MCOLN3: variants seen among roughly 807,000 people sequenced by gnomAD.
The protein encoded by MCOLN3 is mucolipin-3.
Under a neutral mutation model 69.4 loss-of-function variants are expected in MCOLN3, and 62 were observed. That is an observed-to-expected ratio of 0.89 (90% CI 0.73 to 1.10). MCOLN3 has a LOEUF of 1.10. MCOLN3 is among the 50% of genes least tolerant of loss of function. The pLI is 0.00. For synonymous variants in MCOLN3, 183 were observed against 217.0 expected, an observed-to-expected ratio of 0.84 and a Z score of 1.38; for missense variants, 564 against 656.4, an observed-to-expected ratio of 0.86 and a Z score of 1.54.
rs143078993 is a variant in MCOLN3, at chr1:85,045,243, G to T, written c.118C>A (p.Arg40=). The T allele has an allele frequency of 6.6e-4, 1,059 of 1,613,956 alleles. 9 individuals carry two copies. The African/African-American group carries it at 0.012, about 19-fold the overall frequency. The change falls in exon 2 of 13, where the codon CGA becomes AGA. Residue 40 remains arginine (R), a synonymous_variant. Coordinates refer to ENST00000370589, the MANE Select transcript of MCOLN3 (RefSeq NM_018298.11). Reference sequence around the variant, plus strand: ...TTCATGAAAAAAAATTTGAGTTTTCGCCTCATCTGGTCTTCTAATAGAAGC... The same window carrying T: ...TTCATGAAAAAAAATTTGAGTTTTCTCCTCATCTGGTCTTCTAATAGAAGC... The part of the protein sequence containing the change: ...EELLLEDQMR[R]KLKFFFMNPC...
At chr1:85,032,844 A>G (rs1652608088) in intron 5 of MCOLN3, 28 bp downstream of exon 5, 2 of 1,613,730 alleles carry the variant, frequency 1.2e-6, no homozygotes, top group South Asian at 2.2e-5. Flanking sequence ...GTGCAAACGT[A>G]AGTTACACTC....
At chr1:85,024,555 T>C (rs1652117859) in intron 9 of MCOLN3, 1 of 152,146 alleles carries the variant, frequency 6.6e-6, no homozygotes, top group Non-Finnish European at 1.5e-5. Flanking sequence ...TTTTTTCTAT[T>C]ATTTTTGTGA....
chr1:85,047,445 G>A (rs889897775), intron 1 of MCOLN3: 5 of 152,304 alleles, frequency 3.3e-5, no homozygotes, highest in African/African-American at 9.6e-5. Flanking sequence ...CCGGAGCGCC[G>A]GCGCGGGAGG....
At position 85,041,778 on chromosome 1, in the gene MCOLN3, G is replaced by C. The variant is rs139876854; in HGVS notation, c.229-601C>G. 1.8e-4 allele frequency among the ~76,000 whole-genome samples: 27 copies of C among 146,608 alleles called. 1 individual carries two copies. The highest frequency in any genetic ancestry group is 1.2e-3 in the Admixed American group (17 of 14,090). On this transcript the variant is annotated intron_variant, in intron 2 of 12. Transcript: ENST00000370589. ...CCAGCTACTCAGGAGGCTGAGGCAG[G>C]AGAATTGCTTGAACCCGGGAGGCAG...
At chr1:85,041,417 T>C (rs1265991912) in intron 2 of MCOLN3, among the ~76,000 whole-genome samples, 1 of 152,212 alleles carries the variant, frequency 6.6e-6, no homozygotes, top group Non-Finnish European at 1.5e-5. Flanking sequence ...AAATACCCTT[T>C]CAACTCATGT....
At chr1:85,020,602 C>T (rs1651876434) in intron 12 of MCOLN3, among the ~76,000 whole-genome samples, 1 of 152,216 alleles carries the variant, frequency 6.6e-6, no homozygotes, top group Non-Finnish European at 1.5e-5. Flanking sequence ...GGAGGCTGGG[C>T]CCCTGGGCTT....
chr1:85,022,619 T>A, intron 9 of MCOLN3: 1 of 401,418 alleles, frequency 2.5e-6, no homozygotes, highest in Non-Finnish European at 4.5e-6. Context: ...CTGCTGATAA[T>A]TGCTGAAGAG....
chr1:85,030,467 G>T (rs1240728226), intron 6 of MCOLN3, among the ~76,000 whole-genome samples: 2 of 152,064 alleles, frequency 1.3e-5, no homozygotes, highest in Non-Finnish European at 2.9e-5. Context: ...AAAACAAACA[G>T]ATCATTACTG....
intron 3 of MCOLN3, among the ~76,000 whole-genome samples, chr1:85,035,931 A>G (rs1652779401): frequency 6.6e-6 from 1 of 152,246 alleles, no homozygotes; most frequent in South Asian, 2.1e-4. Context: ...AGATAGACAC[A>G]GGCTGCATGC....
intron 2 of MCOLN3, 72 bp from the exon 3 acceptor site, chr1:85,041,249 G>GTACAGA: frequency 1.6e-6 from 2 of 1,244,134 alleles, no homozygotes. Flanking sequence ...AAGGTACAGG[G>GTACAGA]GCTTGAACAA....
intron 3 of MCOLN3, among the ~76,000 whole-genome samples, chr1:85,040,004 G>A (rs898628150): frequency 7.3e-5 from 11 of 151,224 alleles, no homozygotes; most frequent in Non-Finnish European, 1.0e-4. Flanking sequence ...CCCACTCCCC[G>A]CCACCCCTCG....
intron 9 of MCOLN3, 65 bp from the exon 10 acceptor site, chr1:85,022,465 A>G: frequency 8.5e-7 from 1 of 1,181,718 alleles, no homozygotes; most frequent in Non-Finnish European, 1.2e-6. Context: ...ATAAATATTG[A>G]GGTAAGTATG....
At chr1:85,047,696 G>A (rs548926213) in intron 1 of MCOLN3, 18 of 152,366 alleles carry the variant, frequency 1.2e-4, no homozygotes, top group African/African-American at 4.1e-4. Context: ...CGTTTTTTCA[G>A]AAGCGCTTTC....
At chr1:85,026,857 CTTTT>C (rs202103621) in intron 7 of MCOLN3, among the ~76,000 whole-genome samples, 1 of 146,738 alleles carries the variant, frequency 6.8e-6, no homozygotes, top group Non-Finnish European at 1.5e-5. Context: ...CCTGCATATT[CTTTT>C]TTTTTTTCCT....
At chr1:85,022,048 GA>G (rs1651964585) in intron 11 of MCOLN3, 21 bp downstream of exon 11, 1 of 1,604,682 alleles carries the variant, frequency 6.2e-7, no homozygotes, top group African/African-American at 1.3e-5. Flanking sequence ...ATAGTAACAG[GA>G]AAAAAGTTGT....
chr1:85,028,190 T>C (rs1456823681), intron 7 of MCOLN3, among the ~76,000 whole-genome samples: 1 of 152,218 alleles, frequency 6.6e-6, no homozygotes, highest in Non-Finnish European at 1.5e-5. Context: ...TATTTGAAGT[T>C]ACCTATTAGT....
At chr1:85,040,882 G>T in intron 3 of MCOLN3, 128 bp downstream of exon 3, 3 of 850,740 alleles carry the variant, frequency 3.5e-6, no homozygotes, top group South Asian at 2.2e-5. Context: ...AAATAATTTT[G>T]TATGTGTCAT....
chr1:85,020,381 A>G (rs1571083016), intron 12 of MCOLN3, among the ~76,000 whole-genome samples: 1 of 152,336 alleles, frequency 6.6e-6, no homozygotes, highest in Non-Finnish European at 1.5e-5. Context: ...AAAAGTCCCC[A>G]AGTGGAAGTG....
chr1:85,045,401 C>T, intron 1 of MCOLN3, 39 bp from the exon 2 acceptor site: 1 of 1,492,180 alleles, frequency 6.7e-7, no homozygotes, highest in Middle Eastern at 1.8e-4. Context: ...ACCAACATTT[C>T]CATTTAGTGA....
Sources: gnomAD v4.1 joint callset for allele counts (sites outside exome capture counted in the v4.1 genomes callset) on GRCh38, gnomAD v4.1.1 for gene constraint, MANE v1.5 for transcripts, NCBI Gene and HGNC (gene_info 2026-07-23, HGNC 2026-07-21) for gene names.